MARCHF6: variants seen among roughly 807,000 people sequenced by gnomAD.
The protein encoded by MARCHF6 is membrane associated ring-CH-type finger 6.
Under a neutral mutation model 133.7 loss-of-function variants are expected in MARCHF6, and 31 were observed. The ratio of observed to expected loss-of-function variants is 0.23; its 90% CI spans 0.17 to 0.31. The LOEUF is 0.31. Among genes scored for constraint, MARCHF6 ranks in the 10% least tolerant of loss-of-function variants. MARCHF6 has a pLI of 1.00. For missense variants in MARCHF6, 723 were observed against 1,121.6 expected, an observed-to-expected ratio of 0.64 and a Z score of 5.08; for synonymous variants, 395 against 402.5, an observed-to-expected ratio of 0.98 and a Z score of 0.22.
intron 20 of MARCHF6, among the ~76,000 whole-genome samples, 153 bp downstream of exon 20, chr5:10,414,655 A>G (rs1464484098): frequency 6.6e-6 from 1 of 152,128 alleles, no homozygotes; most frequent in East Asian, 1.9e-4. Context: ...CAATCCTTCC[A>G]CCTCAGCTAG....
chr5:10,385,182 G>T (rs1029709168), intron 4 of MARCHF6, among the ~76,000 whole-genome samples: 2 of 152,226 alleles, frequency 1.3e-5, no homozygotes, highest in African/African-American at 4.8e-5. Context: ...TTTTGCAGGG[G>T]CTGTTGCCTG....
chr5:10,432,985 C>T (rs558914232), intron 25 of MARCHF6, among the ~76,000 whole-genome samples: 2 of 151,718 alleles, frequency 1.3e-5, no homozygotes, highest in East Asian at 3.9e-4. Context: ...TCACTGCAAC[C>T]TCTACCTCCC....
At chr5:10,390,635 G>A (rs1737768573) in intron 6 of MARCHF6, 135 bp downstream of exon 6, 1 of 873,222 alleles carries the variant, frequency 1.1e-6, no homozygotes, top group Non-Finnish European at 1.7e-6. Flanking sequence ...GCAGCGGAAA[G>A]GTTTGGGTGA....
At chr5:10,366,736 T>C (rs980378507) in intron 1 of MARCHF6, among the ~76,000 whole-genome samples, 2 of 152,218 alleles carry the variant, frequency 1.3e-5, no homozygotes, top group African/African-American at 4.8e-5. Flanking sequence ...ACTGGTCAGC[T>C]GCTTAATTGA....
intron 9 of MARCHF6, among the ~76,000 whole-genome samples, chr5:10,396,236 A>G (rs1738182084): frequency 6.6e-6 from 1 of 152,246 alleles, no homozygotes; most frequent in African/African-American, 2.4e-5. Flanking sequence ...AGAAATGAAC[A>G]TGTAAACAAG....
At chr5:10,382,353 GC>G (rs1737200312) in intron 4 of MARCHF6, among the ~76,000 whole-genome samples, 1 of 151,518 alleles carries the variant, frequency 6.6e-6, no homozygotes, top group Non-Finnish European at 1.5e-5. Context: ...GACTAGCCTG[GC>G]CAACATGGAG....
intron 1 of MARCHF6, among the ~76,000 whole-genome samples, chr5:10,359,514 G>T (rs747879727): frequency 6.6e-6 from 1 of 151,970 alleles, no homozygotes; most frequent in Non-Finnish European, 1.5e-5. Flanking sequence ...TGCATTCATG[G>T]CATAATTTTA....
chr5:10,437,611 G>C lies in MARCHF6; in HGVS notation c.*3927G>C, dbSNP rs1740703542. The C allele has an allele frequency of 6.6e-6, 1 of 152,226 alleles. No individual in the cohort carries two copies. The highest frequency in any genetic ancestry group is 6.5e-5 in the Admixed American group (1 of 15,286). The allele number at this position is 152,226 out of a possible 1,614,324, so 9.4% of individuals were successfully genotyped here. A position where few individuals can be genotyped will look rare whatever the true frequency, so the allele number is the denominator to read the frequency against. On this transcript the variant is annotated 3_prime_UTR_variant, in exon 26 of 26. Coordinates refer to ENST00000274140, the MANE Select transcript of MARCHF6 (RefSeq NM_005885.4). Reference sequence around the variant, plus strand: ...TACGAGTGCCTCATTTTGTAGTCATGAAAGTAACATAGTACCTTAAATAAA... The same window carrying C: ...TACGAGTGCCTCATTTTGTAGTCATCAAAGTAACATAGTACCTTAAATAAA...
intron 3 of MARCHF6, among the ~76,000 whole-genome samples, chr5:10,381,216 G>A (rs977736448): frequency 3.9e-5 from 6 of 152,142 alleles, no homozygotes; most frequent in Non-Finnish European, 8.8e-5. Context: ...TTTTCTGAAT[G>A]TGTTGAGCCA....
chr5:10,433,772 A>C lies in MARCHF6; in HGVS notation c.*88A>C. 9.1e-7 allele frequency: 1 copy of C among 1,100,060 alleles called. No individual in the cohort carries two copies. The highest frequency in any genetic ancestry group is 1.4e-6 in the Non-Finnish European group (1 of 721,850). The allele number at this position is 1,100,060 out of a possible 1,614,324, so 68.1% of individuals were successfully genotyped here. ...TGGAGATTTTTCCCAGTGATCTCTC[A>C]GCGTTGTTTTTAAGTTAAATGTATT... On this transcript the variant is annotated 3_prime_UTR_variant, in exon 26 of 26. Coordinates refer to ENST00000274140, the MANE Select transcript of MARCHF6 (RefSeq NM_005885.4).
chr5:10,362,381 T>C (rs1345436077), intron 1 of MARCHF6, among the ~76,000 whole-genome samples: 1 of 152,234 alleles, frequency 6.6e-6, no homozygotes, highest in Non-Finnish European at 1.5e-5. Flanking sequence ...TGGAACAGTT[T>C]GAAGAGCATT....
intron 1 of MARCHF6, among the ~76,000 whole-genome samples, chr5:10,359,997 C>A (rs1735714953): frequency 6.6e-6 from 1 of 151,748 alleles, no homozygotes; most frequent in African/African-American, 2.4e-5. Flanking sequence ...CAGAGCAAGA[C>A]TCCGTCTCAA....
intron 11 of MARCHF6, chr5:10,401,162 C>T: frequency 4.2e-6 from 1 of 239,960 alleles, no homozygotes; most frequent in Non-Finnish European, 8.1e-6. Flanking sequence ...TCCCCAGGTG[C>T]CCCCTGCTGA....
intron 4 of MARCHF6, among the ~76,000 whole-genome samples, chr5:10,386,151 A>G (rs1737462385): frequency 6.6e-6 from 1 of 152,068 alleles, no homozygotes; most frequent in African/African-American, 2.4e-5. Context: ...TTGTCTGAGT[A>G]TTTTATAAAC....
chr5:10,425,223 G>GTT (rs1740020325), intron 23 of MARCHF6, among the ~76,000 whole-genome samples: 1 of 152,196 alleles, frequency 6.6e-6, no homozygotes, highest in African/African-American at 2.4e-5. Context: ...ATTGCAGTGT[G>GTT]TTTGTGTGTG....
At chr5:10,408,327 T>C (rs111390197) in intron 17 of MARCHF6, among the ~76,000 whole-genome samples, 196 of 152,324 alleles carry the variant, frequency 1.3e-3, no homozygotes, top group African/African-American at 4.5e-3. Context: ...TAGAATGAGA[T>C]GCAAGACTTG....
chr5:10,365,664 G>A (rs1216940971), intron 1 of MARCHF6, among the ~76,000 whole-genome samples: 6 of 152,086 alleles, frequency 3.9e-5, no homozygotes, highest in African/African-American at 9.7e-5. Flanking sequence ...ATGGGTATAC[G>A]CTCACCCTCA....
intron 14 of MARCHF6, 95 bp downstream of exon 14, chr5:10,402,702 T>G: frequency 9.5e-7 from 1 of 1,053,026 alleles, no homozygotes; most frequent in South Asian, 1.4e-5. Context: ...AAAGCAAATA[T>G]TTGATAATTT....
At chr5:10,394,203 T>C (rs953697540) in intron 8 of MARCHF6, 60 bp downstream of exon 8, 23 of 1,162,560 alleles carry the variant, frequency 2.0e-5, no homozygotes, top group Middle Eastern at 2.1e-4. Context: ...TTTTAAACTT[T>C]GGTGTATTTA....
Sources: allele counts gnomAD v4.1 joint callset (sites outside exome capture counted in the v4.1 genomes callset), GRCh38; gene constraint gnomAD v4.1.1; transcripts MANE v1.5; gene names NCBI Gene and HGNC (gene_info 2026-07-23, HGNC 2026-07-21).